The following TMTC2 variants were observed in gnomAD, a reference collection of about 807,000 sequenced individuals.
TMTC2 encodes the protein protein O-mannosyl-transferase TMTC2.
A neutral mutation model predicts 82.4 loss-of-function variants in TMTC2; 43 were observed. The observed-to-expected ratio is 0.52, with a 90% CI of 0.41 to 0.67. The LOEUF (loss-of-function observed/expected upper bound fraction) is 0.67, where lower values mean the gene tolerates loss of function less well. Among genes scored for constraint, TMTC2 ranks in the 30% least tolerant of loss-of-function variants. The pLI is 0.00. For missense variants in TMTC2, 919 were observed against 1,012.4 expected, an observed-to-expected ratio of 0.91 and a Z score of 1.25; for synonymous variants, 408 against 381.9, an observed-to-expected ratio of 1.07 and a Z score of -0.80.
intron 8 of TMTC2, among the ~76,000 whole-genome samples, chr12:82,990,196 C>T (rs1049850553): frequency 2.6e-5 from 4 of 151,760 alleles, no homozygotes; most frequent in Admixed American, 6.6e-5. Context: ...CAAAACTGGC[C>T]GAAGGGAAAA....
At chr12:82,998,323 A>G (rs1879758681) in intron 8 of TMTC2, among the ~76,000 whole-genome samples, 1 of 152,202 alleles carries the variant, frequency 6.6e-6, no homozygotes, top group Admixed American at 6.6e-5. Context: ...TCTTATTAAC[A>G]TCGAGGCTAG....
At position 83,040,679 on chromosome 12, in the gene TMTC2, C is replaced by CTTTTTTTT. The variant is rs750327519; in HGVS notation, c.2152+9812_2152+9819dup. Among the ~76,000 whole-genome samples the CTTTTTTTT allele has an allele frequency of 3.1e-4, 38 of 124,202 alleles. 1 individual carries two copies. Among genetic ancestry groups the CTTTTTTTT allele is most frequent in the East Asian group, 5.0e-4 (2 of 4,002 alleles). 81.5% of individuals were successfully genotyped at this position (124,202 alleles called of 152,430 possible). On this transcript the variant is annotated intron_variant, in intron 9 of 11. Transcript: ENST00000321196. ...CAATCAACTTTTTTTCTGTCCTTTTCTTTTTTTTTTTTTTTTTTTCTTTTG... is the reference window on the plus strand; with the variant it reads ...CAATCAACTTTTTTTCTGTCCTTTTCTTTTTTTTTTTTTTTTTTTTTTTTTTTCTTTTG...
intron 5 of TMTC2, 146 bp downstream of exon 5, chr12:82,965,255 T>G: frequency 1.5e-6 from 1 of 654,600 alleles, no homozygotes. Flanking sequence ...CAATTATATC[T>G]CAATTGCATC....
intron 11 of TMTC2, among the ~76,000 whole-genome samples, chr12:83,096,450 C>T (rs1276855075): frequency 6.6e-6 from 1 of 151,492 alleles, no homozygotes; most frequent in African/African-American, 2.4e-5. Context: ...TAAAGACATA[C>T]CTGAGACAGG....
chr12:82,798,721 C>T (rs545657510), intron 1 of TMTC2, among the ~76,000 whole-genome samples: 4 of 147,624 alleles, frequency 2.7e-5, no homozygotes, highest in East Asian at 2.0e-4. Flanking sequence ...GCAGGAGAAT[C>T]GCTTGAACCC....
At position 83,041,872 on chromosome 12, in the gene TMTC2, T is replaced by C. The variant is rs1300721530; in HGVS notation, c.2153-9032T>C. Reference sequence around the variant, plus strand: ...GCTACAAATCTCAACATGGCTCATCTTGGAGAACTCTGTAGTGTCTATGAA... The same window carrying C: ...GCTACAAATCTCAACATGGCTCATCCTGGAGAACTCTGTAGTGTCTATGAA... On this transcript the variant is annotated intron_variant, in intron 9 of 11. Transcript: ENST00000321196. 3.3e-5 allele frequency among the ~76,000 whole-genome samples: 5 copies of C among 152,228 alleles called. No homozygotes were observed. The East Asian group carries it at 9.6e-4, about 29-fold the overall frequency.
intron 4 of TMTC2, among the ~76,000 whole-genome samples, chr12:82,950,027 G>T (rs563722952): frequency 6.6e-6 from 1 of 152,278 alleles, no homozygotes; most frequent in South Asian, 2.1e-4. Flanking sequence ...TGTTGACTGA[G>T]ATAATTAAGA....
intron 1 of TMTC2, among the ~76,000 whole-genome samples, chr12:82,730,536 TGTGA>T: frequency 6.6e-6 from 1 of 152,358 alleles, no homozygotes; most frequent in South Asian, 2.1e-4. Flanking sequence ...TAGTTAGATT[TGTGA>T]GTGCTTTGTG....
At chr12:82,735,909 G>A (rs899768686) in intron 1 of TMTC2, among the ~76,000 whole-genome samples, 7 of 151,802 alleles carry the variant, frequency 4.6e-5, no homozygotes, top group African/African-American at 1.2e-4. Flanking sequence ...GGAGGCATAG[G>A]TTGCAGTGAG....
At chr12:83,051,773 T>C (rs1565869951) in intron 10 of TMTC2, among the ~76,000 whole-genome samples, 1 of 152,148 alleles carries the variant, frequency 6.6e-6, no homozygotes, top group Non-Finnish European at 1.5e-5. Flanking sequence ...TTTTAACTTT[T>C]AATTCTTCTG....
chr12:82,826,962 A>G (rs545142755), intron 1 of TMTC2, among the ~76,000 whole-genome samples: 1 of 152,298 alleles, frequency 6.6e-6, no homozygotes, highest in African/African-American at 2.4e-5. Flanking sequence ...GCTTGAGTAC[A>G]TTTTAGAGAG....
chr12:83,021,561 C>T (rs1880925831), intron 8 of TMTC2, among the ~76,000 whole-genome samples: 1 of 151,786 alleles, frequency 6.6e-6, no homozygotes, highest in Non-Finnish European at 1.5e-5. Context: ...TGCCACTACA[C>T]TCCAGCCTAG....
intron 1 of TMTC2, among the ~76,000 whole-genome samples, chr12:82,770,554 A>G (rs997122742): frequency 4.6e-5 from 7 of 152,026 alleles, no homozygotes; most frequent in Non-Finnish European, 8.8e-5. Flanking sequence ...CCCTCAGGTA[A>G]TTTTATCTTT....
chr12:82,869,506 A>T (rs1041564097), intron 2 of TMTC2, among the ~76,000 whole-genome samples: 1 of 152,104 alleles, frequency 6.6e-6, no homozygotes, highest in Non-Finnish European at 1.5e-5. Flanking sequence ...GGAATGGTAT[A>T]CTAGAAACCA....
intron 1 of TMTC2, among the ~76,000 whole-genome samples, chr12:82,781,963 C>T (rs1338807068): frequency 6.6e-6 from 1 of 151,964 alleles, no homozygotes; most frequent in African/African-American, 2.4e-5. Context: ...CAGGGCCTTC[C>T]CCAAAGACCA....
chr12:82,858,813 A>G (rs1871387640), intron 2 of TMTC2, among the ~76,000 whole-genome samples: 1 of 152,210 alleles, frequency 6.6e-6, no homozygotes, highest in African/African-American at 2.4e-5. Context: ...TGATGCTTGA[A>G]AACAACATAT....
chr12:82,737,305 AGTC>A (rs1313713397), intron 1 of TMTC2, among the ~76,000 whole-genome samples: 3 of 152,212 alleles, frequency 2.0e-5, no homozygotes, highest in African/African-American at 7.2e-5. Context: ...TCAGCTAAAC[AGTC>A]TAACACTTTT....
At chr12:82,904,534 G>T (rs1159093630) in intron 3 of TMTC2, among the ~76,000 whole-genome samples, 1 of 152,126 alleles carries the variant, frequency 6.6e-6, no homozygotes, top group African/African-American at 2.4e-5. Flanking sequence ...TCATTATGTG[G>T]TTTATAATAT....
At chr12:83,008,280 G>A (rs1050624999) in intron 8 of TMTC2, among the ~76,000 whole-genome samples, 2 of 152,090 alleles carry the variant, frequency 1.3e-5, no homozygotes, top group Non-Finnish European at 2.9e-5. Flanking sequence ...TATAACATTA[G>A]CTCTATTTTT....
Sources: allele counts gnomAD v4.1 joint callset (sites outside exome capture counted in the v4.1 genomes callset), GRCh38; gene constraint gnomAD v4.1.1; transcripts MANE v1.5; gene names NCBI Gene and HGNC (gene_info 2026-07-23, HGNC 2026-07-21).